The following BORCS5 variants were observed in gnomAD, a reference collection of about 807,000 sequenced individuals.
BORCS5 encodes the protein BLOC-1 related complex subunit 5, also known as BLOC-1-related complex subunit 5.
In BORCS5, 17 loss-of-function variants were observed where a neutral mutation model predicts 22.1. The ratio of observed to expected loss-of-function variants is 0.77; its 90% CI spans 0.53 to 1.15. The LOEUF (loss-of-function observed/expected upper bound fraction) is 1.15, where lower values mean the gene tolerates loss of function less well. Among genes scored for constraint, BORCS5 ranks in the 50% most tolerant of loss-of-function variants. The pLI is 0.00. For synonymous variants in BORCS5, 117 were observed against 99.8 expected (o/e 1.17, Z -1.03); for missense variants, 247 against 253.2 (o/e 0.98, Z 0.17).
At position 12,465,717 on chromosome 12, in the gene BORCS5, C is replaced by A; in HGVS notation, c.532C>A (p.Pro178Thr). 1 of 1,614,192 alleles carries A rather than the reference C, an allele frequency of 6.2e-7. No homozygotes were observed. Among genetic ancestry groups the A allele is most frequent in the South Asian group, 1.1e-5 (1 of 91,090 alleles). Residue 178 changes from proline (P) to threonine (T), a missense_variant, in exon 4 of 4, where the codon CCC becomes ACC. Coordinates refer to ENST00000314565, the MANE Select transcript of BORCS5 (RefSeq NM_058169.6). ...PLLDRLNSML[P>T]EGERLEPFSM... ...GCTGGACAGGCTCAACAGCATGCTG[C>A]CCGAGGGCGAGCGGCTGGAGCCCTT...
chr12:12,458,726 A>C (rs1453300539), intron 3 of BORCS5, among the ~76,000 whole-genome samples: 1 of 151,266 alleles, frequency 6.6e-6, no homozygotes, highest in Non-Finnish European at 1.5e-5. Flanking sequence ...TAATCCCAGC[A>C]CTTTGGGAGG....
intron 3 of BORCS5, among the ~76,000 whole-genome samples, chr12:12,456,541 G>A (rs1188181006): frequency 6.6e-6 from 1 of 152,136 alleles, no homozygotes; most frequent in Non-Finnish European, 1.5e-5. Context: ...TTGAAGCACC[G>A]TACTCTCTTG....
intron 3 of BORCS5, among the ~76,000 whole-genome samples, chr12:12,449,683 G>A (rs758588113): frequency 2.6e-5 from 4 of 152,228 alleles, no homozygotes; most frequent in Non-Finnish European, 5.9e-5. Flanking sequence ...TAGATACATT[G>A]TTTGAACAAA....
At chr12:12,443,394 G>A (rs1048507740) in intron 3 of BORCS5, among the ~76,000 whole-genome samples, 6 of 152,218 alleles carry the variant, frequency 3.9e-5, no homozygotes, top group African/African-American at 1.4e-4. Flanking sequence ...AAACCTTACA[G>A]TGTAATTATA....
chr12:12,465,152 CT>C (rs779856850), intron 3 of BORCS5, among the ~76,000 whole-genome samples: 55 of 152,198 alleles, frequency 3.6e-4, no homozygotes, highest in Non-Finnish European at 3.7e-4. Flanking sequence ...TAGTTTTTTT[CT>C]AGATAAGCAA....
Position 12,357,203 on chromosome 12 carries a change from A to G in BORCS5, c.-249A>G. On this transcript the variant is annotated 5_prime_UTR_variant, in exon 1 of 4. Coordinates refer to ENST00000314565, the MANE Select transcript of BORCS5 (RefSeq NM_058169.6). The stretch of plus-strand genomic sequence containing the variant: ...GGTTCTCTTAGGGCTCCCGGAAAGA[A>G]GGAGGGCTAGCCGCGTGCGTTCGCG... The G allele has an allele frequency of 6.6e-7, 1 of 1,508,872 alleles. No homozygotes were observed. 93.5% of individuals were successfully genotyped at this position (1,508,872 alleles called of 1,614,324 possible). A position where few individuals can be genotyped will look rare whatever the true frequency, so the allele number is the denominator to read the frequency against.
chr12:12,409,373 C>G (rs1220192310), intron 2 of BORCS5, among the ~76,000 whole-genome samples: 2 of 150,376 alleles, frequency 1.3e-5, no homozygotes, highest in African/African-American at 2.5e-5. Context: ...CCTCCCTCCT[C>G]CCCCCACCCC....
intron 2 of BORCS5, among the ~76,000 whole-genome samples, chr12:12,387,373 A>G (rs1172080636): frequency 4.0e-5 from 6 of 151,590 alleles, no homozygotes; most frequent in Non-Finnish European, 5.9e-5. Flanking sequence ...AAACTAATTC[A>G]TAGTAAAAAC....
At chr12:12,431,968 A>AT (rs1942442252) in intron 2 of BORCS5, among the ~76,000 whole-genome samples, 2 of 152,194 alleles carry the variant, frequency 1.3e-5, no homozygotes, top group African/African-American at 4.8e-5. Flanking sequence ...TGCTGGAATT[A>AT]TAGGCATGAG....
At chr12:12,415,503 C>A (rs1324602930) in intron 2 of BORCS5, among the ~76,000 whole-genome samples, 3 of 127,170 alleles carry the variant, frequency 2.4e-5, no homozygotes, top group Admixed American at 1.8e-4. Context: ...GGCAGCAGTA[C>A]TGTCCAGCTT....
At chr12:12,463,382 CT>C (rs1943146503) in intron 3 of BORCS5, among the ~76,000 whole-genome samples, 1 of 152,210 alleles carries the variant, frequency 6.6e-6, no homozygotes, top group South Asian at 2.1e-4. Context: ...AAGGTAATAA[CT>C]TTCCCTACAT....
intron 2 of BORCS5, 44 bp from the exon 3 acceptor site, chr12:12,435,584 T>A: frequency 6.5e-7 from 1 of 1,543,768 alleles, no homozygotes; most frequent in Non-Finnish European, 8.9e-7. Context: ...CACAAGTTTA[T>A]TAGCAGTAAT....
intron 2 of BORCS5, among the ~76,000 whole-genome samples, chr12:12,413,609 CG>C (rs568866456): frequency 2.2e-5 from 3 of 139,310 alleles, no homozygotes; most frequent in African/African-American, 5.6e-5. Context: ...ACCTCCCAGA[CG>C]GGTCGTGGCC....
chr12:12,432,998 G>C (rs1942465049), intron 2 of BORCS5, among the ~76,000 whole-genome samples: 2 of 151,858 alleles, frequency 1.3e-5, no homozygotes, highest in Non-Finnish European at 2.9e-5. Flanking sequence ...CTTGTGTATA[G>C]GAAAAAAAAC....
At chr12:12,363,011 A>G (rs1863325854) in intron 2 of BORCS5, among the ~76,000 whole-genome samples, 1 of 151,966 alleles carries the variant, frequency 6.6e-6, no homozygotes, top group Non-Finnish European at 1.5e-5. Flanking sequence ...AGAAGTTAAC[A>G]ATAGTAGGGC....
chr12:12,431,564 A>G (rs1200291815), intron 2 of BORCS5, among the ~76,000 whole-genome samples: 3 of 150,698 alleles, frequency 2.0e-5, no homozygotes, highest in African/African-American at 7.3e-5. Flanking sequence ...ACCATGCCCA[A>G]CTAATTTTTG....
chr12:12,394,174 A>C (rs965228128), intron 2 of BORCS5, among the ~76,000 whole-genome samples: 1 of 151,882 alleles, frequency 6.6e-6, no homozygotes, highest in Non-Finnish European at 1.5e-5. Context: ...AAAAATACAA[A>C]AATGAGCCTG....
At chr12:12,456,920 T>C (rs1307417989) in intron 3 of BORCS5, among the ~76,000 whole-genome samples, 4 of 149,192 alleles carry the variant, frequency 2.7e-5, no homozygotes, top group South Asian at 2.1e-4. Context: ...AGATAGTTAA[T>C]GTAACCGAGA....
At chr12:12,377,371 T>G (rs61288717) in intron 2 of BORCS5, among the ~76,000 whole-genome samples, 31,197 of 151,526 alleles carry the variant, frequency 0.21, 7,195 homozygotes, top group African/African-American at 0.57. Context: ...GTAGAGATGG[T>G]TTTCACCATG....
Sources: gnomAD v4.1 joint callset for allele counts (sites outside exome capture counted in the v4.1 genomes callset) on GRCh38, gnomAD v4.1.1 for gene constraint, MANE v1.5 for transcripts, NCBI Gene and HGNC (gene_info 2026-07-23, HGNC 2026-07-21) for gene names.